The following MYOCD variants were observed in gnomAD, a reference collection of about 807,000 sequenced individuals.
The protein encoded by MYOCD is myocardin.
MYOCD carries 32 observed loss-of-function variants against 96.1 expected under a neutral mutation model. The ratio of observed to expected loss-of-function variants is 0.33; its 90% CI spans 0.25 to 0.45. MYOCD has a LOEUF of 0.45. Among genes scored for constraint, MYOCD ranks in the 20% least tolerant of loss-of-function variants. The pLI, the probability that MYOCD is intolerant of heterozygous loss-of-function variation, is 1.00. For missense variants in MYOCD, 1,133 were observed against 1,200.6 expected (o/e 0.94, Z 0.83); for synonymous variants, 469 against 469.0 (o/e 1.00, Z 0.00).
chr17:12,721,886 A>G (rs1457733248), intron 4 of MYOCD, among the ~76,000 whole-genome samples: 1 of 152,118 alleles, frequency 6.6e-6, no homozygotes, highest in African/African-American at 2.4e-5. Flanking sequence ...TGGAGTATTG[A>G]CATTCCCTCC....
At chr17:12,702,082 T>C (rs1477130803) in intron 1 of MYOCD, among the ~76,000 whole-genome samples, 1 of 152,076 alleles carries the variant, frequency 6.6e-6, no homozygotes, top group Non-Finnish European at 1.5e-5. Context: ...ATTGCTCAAA[T>C]CCTCTATGTC....
At chr17:12,701,409 C>G (rs2031068558) in intron 1 of MYOCD, among the ~76,000 whole-genome samples, 1 of 151,918 alleles carries the variant, frequency 6.6e-6, no homozygotes, top group African/African-American at 2.4e-5. Flanking sequence ...GAGACTCCGT[C>G]TCAAAATAAA....
intron 1 of MYOCD, among the ~76,000 whole-genome samples, chr17:12,697,360 T>TATATATATATATATATATATA (rs1491327089): frequency 5.1e-5 from 2 of 39,218 alleles, no homozygotes; most frequent in African/African-American, 3.0e-4. Context: ...TATATATATA[T>TATATATATATATATATATATA]TTTTTTTTTT....
chr17:12,725,880 T>C lies in MYOCD; in HGVS notation c.415+2872T>C, dbSNP rs560679506. On this transcript the variant is annotated intron_variant, in intron 5 of 13. Coordinates refer to ENST00000425538, the MANE Select transcript of MYOCD (RefSeq NM_001146312.3). ...CTAAGAGTAGTTTGCAAGATAGATG[T>C]TGAGTTTTTTTAAACGCTTTTAAAG... Among the ~76,000 whole-genome samples, 3 of 152,262 alleles carry C rather than the reference T, an allele frequency of 2.0e-5. No individual in the cohort carries two copies. The South Asian group carries it at 6.2e-4, about 32-fold the overall frequency.
chr17:12,690,155 TCTC>T (rs907219848), intron 1 of MYOCD, among the ~76,000 whole-genome samples: 43 of 151,664 alleles, frequency 2.8e-4, no homozygotes, highest in African/African-American at 9.4e-4. Flanking sequence ...TATAAATAGA[TCTC>T]CTAAGTCTAT....
intron 1 of MYOCD, among the ~76,000 whole-genome samples, chr17:12,677,426 T>A (rs12150350): frequency 0.58 from 88,282 of 151,832 alleles, 26,538 homozygotes; most frequent in African/African-American, 0.74. Flanking sequence ...AAAAAAAAAC[T>A]TATAGGCCGG....
chr17:12,713,810 A>G (rs1391566134), intron 2 of MYOCD, among the ~76,000 whole-genome samples: 2 of 152,218 alleles, frequency 1.3e-5, no homozygotes, highest in Non-Finnish European at 2.9e-5. Context: ...CCCAACTCAA[A>G]GAAAATGCAT....
chr17:12,746,472 A>G (rs12451509), intron 9 of MYOCD, among the ~76,000 whole-genome samples: 4,987 of 152,260 alleles, frequency 0.033, 174 homozygotes, highest in East Asian at 0.15. Flanking sequence ...TTATTTTACC[A>G]TAGCAAAAAA....
In MYOCD at chr17:12,681,010, T is replaced by C. The variant is rs115154091; in HGVS notation, c.55+14767T>C. Among the ~76,000 whole-genome samples the C allele has an allele frequency of 5.4e-3, 818 of 152,272 alleles. 11 individuals carry two copies. The highest frequency in any genetic ancestry group is 0.019 in the African/African-American group (776 of 41,560). On this transcript the variant is annotated intron_variant, in intron 1 of 13. Coordinates refer to ENST00000425538, the MANE Select transcript of MYOCD (RefSeq NM_001146312.3). ...GCAATCCTGTAAGGAGGTACTGTTG[T>C]TACAGTCCTCCCATCCATAGAAGAA... is the stretch of plus-strand genomic sequence containing the variant.
chr17:12,752,655 C>A lies in MYOCD; in HGVS notation c.1367C>A (p.Pro456His), dbSNP rs1369886655. ...FYHFGSTSSS[P>H]PISPASSDLS... ...CACTTTGGCAGCACCAGCTCCAGCC[C>A]CCCGATCTCCCCAGCCTCCTCTGAC... Residue 456 changes from proline (P) to histidine (H), a missense_variant, in exon 10 of 14, where the codon CCC becomes CAC. Coordinates refer to ENST00000425538, the MANE Select transcript of MYOCD (RefSeq NM_001146312.3). 8 of 1,614,036 alleles carry A rather than the reference C, an allele frequency of 5.0e-6. No homozygotes were observed. Among genetic ancestry groups the A allele is most frequent in the Non-Finnish European group, 6.8e-6 (8 of 1,179,956 alleles).
intron 7 of MYOCD, among the ~76,000 whole-genome samples, chr17:12,742,252 C>G (rs2032533489): frequency 6.6e-6 from 1 of 152,120 alleles, no homozygotes; most frequent in African/African-American, 2.4e-5. Context: ...CCAAACACAC[C>G]CAACTACTTG....
At chr17:12,697,975 G>C (rs2030861682) in intron 1 of MYOCD, among the ~76,000 whole-genome samples, 1 of 152,118 alleles carries the variant, frequency 6.6e-6, no homozygotes, top group African/African-American at 2.4e-5. Flanking sequence ...CCGTATGCAG[G>C]GATATCATAA....
chr17:12,718,935 A>C (rs1307228773), intron 4 of MYOCD, among the ~76,000 whole-genome samples: 3 of 152,088 alleles, frequency 2.0e-5, no homozygotes, highest in Admixed American at 2.0e-4. Context: ...GTACTTTGGG[A>C]GGCTGAGGCT....
At chr17:12,731,137 G>T (rs557945640) in intron 5 of MYOCD, among the ~76,000 whole-genome samples, 1 of 152,280 alleles carries the variant, frequency 6.6e-6, no homozygotes, top group South Asian at 2.1e-4. Context: ...CCAGCACACC[G>T]CTCTCCATCA....
At position 12,722,945 on chromosome 17, in the gene MYOCD, C is replaced by T. The variant is rs781324072; in HGVS notation, c.352C>T (p.Pro118Ser). The change falls in exon 5 of 14, where the codon CCA becomes TCA. Residue 118 changes from proline (P) to serine (S), a missense_variant. Coordinates refer to ENST00000425538, the MANE Select transcript of MYOCD (RefSeq NM_001146312.3). ...TGAAAAAATTGCTCTACGACCAGGG[C>T]CACTGGAGCTGGTGGAAAAAAACAT... ...LNEKIALRPG[P>S]LELVEKNILP... The T allele has an allele frequency of 6.2e-7, 1 of 1,614,000 alleles. No individual in the cohort carries two copies. The highest frequency in any genetic ancestry group is 2.2e-5 in the East Asian group (1 of 44,868).
intron 1 of MYOCD, among the ~76,000 whole-genome samples, chr17:12,681,588 A>T (rs1910470876): frequency 6.6e-6 from 1 of 152,030 alleles, no homozygotes; most frequent in Admixed American, 6.6e-5. Context: ...CTTGGTTTTG[A>T]CTCGCCAAAT....
rs62060372 is a variant in MYOCD at position 12,738,807 on chromosome 17, C to A, written c.592-396C>A. On this transcript the variant is annotated intron_variant, in intron 6 of 13. Transcript: ENST00000425538. ...CATTATCAAGACAGGTGGACCTTGT[C>A]ACACACAGGTGGAACGCCCACACAC... is the stretch of plus-strand genomic sequence containing the variant. Among the ~76,000 whole-genome samples the A allele has an allele frequency of 5.1e-3, 778 of 152,084 alleles. 1 individual carries two copies. The highest frequency in any genetic ancestry group is 8.3e-3 in the Non-Finnish European group (565 of 67,994).
At chr17:12,738,005 A>G (rs1022676383) in intron 6 of MYOCD, among the ~76,000 whole-genome samples, 4 of 152,220 alleles carry the variant, frequency 2.6e-5, no homozygotes, top group Non-Finnish European at 5.9e-5. Flanking sequence ...CTTTGATAAC[A>G]TCAAACGGTG....
At chr17:12,749,652 CGTATAT>C (rs2032777248) in intron 9 of MYOCD, among the ~76,000 whole-genome samples, 1 of 140,866 alleles carries the variant, frequency 7.1e-6, no homozygotes, top group Admixed American at 7.1e-5. Context: ...TATATACACA[CGTATAT>C]ATACACATAT....
Sources: gnomAD v4.1 joint callset for allele counts (sites outside exome capture counted in the v4.1 genomes callset) on GRCh38, gnomAD v4.1.1 for gene constraint, MANE v1.5 for transcripts, NCBI Gene and HGNC (gene_info 2026-07-23, HGNC 2026-07-21) for gene names.